The following CMIP variants were observed in gnomAD, a reference collection of about 807,000 sequenced individuals.
CMIP encodes the protein c-Maf inducing protein.
In CMIP, 13 loss-of-function variants were observed where a neutral mutation model predicts 97.3. The observed-to-expected ratio is 0.13, with a 90% CI of 0.09 to 0.21. CMIP has a LOEUF of 0.21. Ranked by LOEUF, CMIP falls within the 10% of genes least tolerant of loss-of-function variation. CMIP has a pLI of 1.00. For missense variants in CMIP, 847 were observed against 1,024.9 expected (o/e 0.83, Z 2.37); for synonymous variants, 538 against 436.3 (o/e 1.23, Z -2.91).
At chr16:81,445,637 C>A in intron 1 of CMIP, 96 bp downstream of exon 1, 1 of 1,350,390 alleles carries the variant, frequency 7.4e-7, no homozygotes, top group Non-Finnish European at 9.9e-7. Context: ...GAGCCCAGGG[C>A]CTGGGGGGCG....
intron 3 of CMIP, among the ~76,000 whole-genome samples, chr16:81,640,024 A>G (rs1411644621): frequency 2.0e-5 from 3 of 152,088 alleles, no homozygotes; most frequent in Non-Finnish European, 2.9e-5. Context: ...ATCCTCCCCC[A>G]TGGCTCCTCT....
rs536966959 is a variant in CMIP at position 81,503,728 on chromosome 16, C to T, written c.300+58187C>T. 9.8e-5 allele frequency among the ~76,000 whole-genome samples: 15 copies of T among 152,358 alleles called. No individual in the cohort carries two copies. In the South Asian group the frequency reaches 2.9e-3, roughly 29 times the overall value. ...CCCATTGAGGTGCCAGTCTGGTCAC[C>T]TTATCTCACTGTGGATGTCTAGAAG... On this transcript the variant is annotated intron_variant, in intron 1 of 20. Transcript: ENST00000537098.
At chr16:81,705,471 G>GGT in intron 18 of CMIP, 28 bp from the exon 19 acceptor site, 1 of 1,510,926 alleles carries the variant, frequency 6.6e-7, no homozygotes, top group Non-Finnish European at 9.1e-7. Context: ...GTGGCCGGGA[G>GGT]AGGGCTGAGA....
At chr16:81,638,095 C>G (rs2150984195) in intron 3 of CMIP, among the ~76,000 whole-genome samples, 1 of 152,330 alleles carries the variant, frequency 6.6e-6, no homozygotes, top group East Asian at 1.9e-4. Flanking sequence ...GAGCTTAGCA[C>G]TTGGCTTGTG....
intron 1 of CMIP, among the ~76,000 whole-genome samples, chr16:81,544,699 A>G (rs574196196): frequency 4.0e-5 from 6 of 150,584 alleles, no homozygotes; most frequent in African/African-American, 9.8e-5. Flanking sequence ...GTATGTGTGT[A>G]TATGTTTGTG....
At chr16:81,534,259 G>A (rs2090298458) in intron 1 of CMIP, among the ~76,000 whole-genome samples, 1 of 152,224 alleles carries the variant, frequency 6.6e-6, no homozygotes, top group Non-Finnish European at 1.5e-5. Context: ...GTGGCCCTCA[G>A]TCAGGATTTG....
intron 1 of CMIP, among the ~76,000 whole-genome samples, chr16:81,490,454 C>T (rs781708382): frequency 5.9e-5 from 9 of 152,070 alleles, no homozygotes; most frequent in Admixed American, 2.6e-4. Context: ...AGCCTGTCTC[C>T]ACTAAAAATA....
In CMIP at chr16:81,691,039, A is replaced by G. The variant is rs192560280; in HGVS notation, c.1389-736A>G. On this transcript the variant is annotated intron_variant, in intron 10 of 20. Transcript: ENST00000537098. ...ATGTTTGTTGTTTATGATTCTGTCT[A>G]TAGAATTTTCCCTCAGTTCTGATCA... Among the ~76,000 whole-genome samples the G allele has an allele frequency of 1.6e-3, 237 of 152,332 alleles. 1 individual carries two copies. The highest frequency in any genetic ancestry group is 5.1e-3 in the African/African-American group (213 of 41,578).
intron 1 of CMIP, among the ~76,000 whole-genome samples, chr16:81,597,601 G>A (rs539253949): frequency 6.6e-6 from 1 of 151,510 alleles, no homozygotes; most frequent in African/African-American, 2.4e-5. Context: ...AGCGGGGGGG[G>A]GGGAGTCTCC....
intron 1 of CMIP, among the ~76,000 whole-genome samples, chr16:81,493,078 G>T (rs1225833086): frequency 2.6e-5 from 4 of 152,140 alleles, no homozygotes; most frequent in Admixed American, 2.6e-4. Context: ...AGCTTGATTC[G>T]GGGGAAGCTG....
At chr16:81,502,146 G>A (rs1054499602) in intron 1 of CMIP, among the ~76,000 whole-genome samples, 9 of 152,162 alleles carry the variant, frequency 5.9e-5, no homozygotes, top group African/African-American at 1.2e-4. Flanking sequence ...GTTAAGTAAC[G>A]TACCCAGCTG....
chr16:81,556,081 C>T (rs1035872020), intron 1 of CMIP, among the ~76,000 whole-genome samples: 4 of 152,186 alleles, frequency 2.6e-5, no homozygotes, highest in African/African-American at 9.7e-5. Flanking sequence ...AATGCAGACC[C>T]AGCGGTGAGC....
At chr16:81,469,457 GC>G (rs1359361634) in intron 1 of CMIP, among the ~76,000 whole-genome samples, 1 of 152,356 alleles carries the variant, frequency 6.6e-6, no homozygotes, top group East Asian at 1.9e-4. Flanking sequence ...TCTGGTGTTA[GC>G]CTTGTGTCTG....
intron 1 of CMIP, among the ~76,000 whole-genome samples, chr16:81,558,483 A>G (rs2090812660): frequency 1.3e-5 from 2 of 152,148 alleles, no homozygotes; most frequent in African/African-American, 2.4e-5. Flanking sequence ...CACATTTTAC[A>G]TTTCCACTAA....
At chr16:81,476,282 C>G (rs1907912518) in intron 1 of CMIP, 20 of 1,554,078 alleles carry the variant, frequency 1.3e-5, no homozygotes, top group Non-Finnish European at 1.5e-5. Context: ...AATTTCTCCC[C>G]ATAGATGGAC....
chr16:81,512,225 G>C (rs539282175), intron 1 of CMIP, among the ~76,000 whole-genome samples: 1 of 151,998 alleles, frequency 6.6e-6, no homozygotes, highest in Non-Finnish European at 1.5e-5. Flanking sequence ...TAAAATTTTC[G>C]GCATGATTCC....
intron 1 of CMIP, among the ~76,000 whole-genome samples, chr16:81,525,760 G>C (rs781376404): frequency 1.2e-4 from 18 of 152,208 alleles, no homozygotes; most frequent in Non-Finnish European, 2.1e-4. Context: ...CTCATTAAAT[G>C]ATAGCTCCAC....
chr16:81,599,232 G>A (rs1244355314), intron 1 of CMIP, among the ~76,000 whole-genome samples: 2 of 152,024 alleles, frequency 1.3e-5, no homozygotes, highest in South Asian at 2.1e-4. Context: ...CAACAGCCCC[G>A]GGGCAAGGAG....
chr16:81,498,221 G>A (rs967487837), intron 1 of CMIP, among the ~76,000 whole-genome samples: 1 of 152,202 alleles, frequency 6.6e-6, no homozygotes, highest in Non-Finnish European at 1.5e-5. Context: ...CAGTCAAGAA[G>A]GTTCAATGAA....
Sources: allele counts gnomAD v4.1 joint callset (sites outside exome capture counted in the v4.1 genomes callset), GRCh38; gene constraint gnomAD v4.1.1; transcripts MANE v1.5; gene names NCBI Gene and HGNC (gene_info 2026-07-23, HGNC 2026-07-21).